KTN1: variants seen among roughly 807,000 people sequenced by gnomAD.
KTN1 encodes kinectin.
KTN1 carries 130 observed loss-of-function variants against 222.5 expected under a neutral mutation model. The ratio of observed to expected loss-of-function variants is 0.58; its 90% confidence interval spans 0.51 to 0.68. The LOEUF (loss-of-function observed/expected upper bound fraction) is 0.68. Ranked by LOEUF, KTN1 falls within the 30% of genes least tolerant of loss-of-function variation. The pLI, the probability that KTN1 is intolerant of heterozygous loss-of-function variation, is 0.00. For missense variants in KTN1, 1,508 were observed against 1,500.4 expected (o/e 1.01, Z -0.08); for synonymous variants, 512 against 496.3 (o/e 1.03, Z -0.42).
chr14:55,673,615 G>A (rs1012565013), intron 40 of KTN1: 1 of 162,626 alleles, frequency 6.1e-6, no homozygotes, highest in Non-Finnish European at 1.3e-5. Flanking sequence ...CATAGTTAAT[G>A]GGGCCTTTTA....
At chr14:55,645,877 G>T (rs1043025295) in intron 18 of KTN1, among the ~76,000 whole-genome samples, 3 of 152,086 alleles carry the variant, frequency 2.0e-5, no homozygotes, top group African/African-American at 7.2e-5. Flanking sequence ...CTTGGATAGG[G>T]CAGTGGAAAA....
chr14:55,662,235 G>GT (rs930028632), intron 32 of KTN1, among the ~76,000 whole-genome samples: 1 of 151,738 alleles, frequency 6.6e-6, no homozygotes, highest in African/African-American at 2.4e-5. Context: ...CTCAGCTAAT[G>GT]TTTTTTGTAT....
chr14:55,625,951 G>A (rs1220447020), intron 5 of KTN1, among the ~76,000 whole-genome samples: 3 of 151,694 alleles, frequency 2.0e-5, no homozygotes, highest in African/African-American at 7.3e-5. Context: ...ATTTTTTTCA[G>A]TGTCTGACCT....
chr14:55,599,748 G>T (rs1412237146), intron 1 of KTN1, among the ~76,000 whole-genome samples: 3 of 152,056 alleles, frequency 2.0e-5, no homozygotes, highest in Non-Finnish European at 4.4e-5. Flanking sequence ...CAATATTTGT[G>T]GTAGGAAGGG....
chr14:55,661,888 A>G (rs984962449), intron 32 of KTN1: 51 of 224,644 alleles, frequency 2.3e-4, no homozygotes, highest in African/African-American at 8.3e-4. Flanking sequence ...TAAAAATGCA[A>G]TTGACTTTTT....
intron 43 of KTN1, chr14:55,683,209 T>C (rs2046517604): frequency 6.6e-6 from 1 of 152,176 alleles, no homozygotes; most frequent in South Asian, 2.1e-4. Flanking sequence ...TTTTAGACTT[T>C]CCGATCAACT....
At chr14:55,675,557 C>T (rs1351602948) in intron 40 of KTN1, 1 of 283,830 alleles carries the variant, frequency 3.5e-6, no homozygotes, top group Non-Finnish European at 6.6e-6. Flanking sequence ...ATAGTGATAT[C>T]TTTAAAAGGT....
At chr14:55,614,826 A>T (rs1200576981) in intron 2 of KTN1, among the ~76,000 whole-genome samples, 1 of 152,170 alleles carries the variant, frequency 6.6e-6, no homozygotes, top group East Asian at 1.9e-4. Context: ...TGCTTGGCAG[A>T]TGGTTGGTAG....
intron 21 of KTN1, among the ~76,000 whole-genome samples, chr14:55,649,075 T>C (rs1442743085): frequency 6.6e-6 from 1 of 152,194 alleles, no homozygotes; most frequent in East Asian, 1.9e-4. Flanking sequence ...TGTAGGCTCA[T>C]GCCACAATGC....
intron 34 of KTN1, 80 bp downstream of exon 34, chr14:55,667,410 C>A: frequency 1.3e-6 from 1 of 768,644 alleles, no homozygotes; most frequent in Non-Finnish European, 2.1e-6. Flanking sequence ...TTGCACTCCA[C>A]TTGGTTTCAG....
chr14:55,673,773 A>G (rs2045654857), intron 40 of KTN1: 1 of 152,194 alleles, frequency 6.6e-6, no homozygotes, highest in African/African-American at 2.4e-5. Flanking sequence ...TATTATCAAC[A>G]TATTATTTAG....
chr14:55,606,776 A>C (rs2036790146), intron 1 of KTN1, among the ~76,000 whole-genome samples: 1 of 152,154 alleles, frequency 6.6e-6, no homozygotes, highest in African/African-American at 2.4e-5. Context: ...GCAATTTTAA[A>C]AGTTGAACAA....
intron 7 of KTN1, 109 bp downstream of exon 7, chr14:55,630,206 G>T: frequency 1.0e-6 from 1 of 979,018 alleles, no homozygotes; most frequent in Non-Finnish European, 1.6e-6. Flanking sequence ...TCAACATACA[G>T]TGGCTAGTGA....
chr14:55,644,091 G>A (rs1018732273), intron 18 of KTN1, among the ~76,000 whole-genome samples: 1 of 152,152 alleles, frequency 6.6e-6, no homozygotes, highest in Admixed American at 6.5e-5. Context: ...GAAAGCATAT[G>A]ACTGAGGTTT....
intron 1 of KTN1, among the ~76,000 whole-genome samples, chr14:55,602,684 C>T (rs1032408639): frequency 6.6e-6 from 1 of 151,374 alleles, no homozygotes; most frequent in Non-Finnish European, 1.5e-5. Flanking sequence ...TGTGCTCAAG[C>T]GATCTTTCTG....
At chr14:55,609,419 A>T (rs2037220426) in intron 1 of KTN1, among the ~76,000 whole-genome samples, 1 of 152,182 alleles carries the variant, frequency 6.6e-6, no homozygotes, top group Non-Finnish European at 1.5e-5. Context: ...AGTGAGACTC[A>T]GGTGAGCTCA....
At chr14:55,632,230 GT>G (rs1395063412) in intron 7 of KTN1, among the ~76,000 whole-genome samples, 4 of 152,096 alleles carry the variant, frequency 2.6e-5, no homozygotes, top group African/African-American at 9.7e-5. Context: ...GCAGATACTT[GT>G]AGCAGCATCT....
chr14:55,603,855 C>T (rs1301500155), intron 1 of KTN1, among the ~76,000 whole-genome samples: 1 of 152,180 alleles, frequency 6.6e-6, no homozygotes, highest in Non-Finnish European at 1.5e-5. Context: ...TTGTTTTTGG[C>T]CTAGTCTAAA....
At chr14:55,637,914 T>A in intron 12 of KTN1, 67 bp downstream of exon 12, 9 of 1,163,184 alleles carry the variant, frequency 7.7e-6, no homozygotes, top group Non-Finnish European at 1.0e-5. Flanking sequence ...CCTGAATGTC[T>A]GTTGAGTGCC....
Sources: gnomAD v4.1 joint callset for allele counts (sites outside exome capture counted in the v4.1 genomes callset) on GRCh38, gnomAD v4.1.1 for gene constraint, MANE v1.5 for transcripts, NCBI Gene and HGNC (gene_info 2026-07-23, HGNC 2026-07-21) for gene names.